The following SGCZ variants were observed in gnomAD, a reference collection of about 807,000 sequenced individuals.
SGCZ encodes sarcoglycan zeta.
A neutral mutation model predicts 41.3 loss-of-function variants in SGCZ; 40 were observed. The observed-to-expected ratio is 0.97, with a 90% CI of 0.75 to 1.26. The LOEUF (loss-of-function observed/expected upper bound fraction) is 1.26, where lower values mean the gene tolerates loss of function less well. SGCZ is among the 50% of genes most tolerant of loss of function. SGCZ has a pLI of 0.00. For missense variants in SGCZ, 552 were observed against 369.8 expected (o/e 1.49, Z -4.04); for synonymous variants, 206 against 137.5 (o/e 1.50, Z -3.49).
At chr8:14,501,273 G>C (rs939604843) in intron 2 of SGCZ, among the ~76,000 whole-genome samples, 7 of 151,544 alleles carry the variant, frequency 4.6e-5, no homozygotes. Flanking sequence ...AATAATCAAC[G>C]GTAATCATCT....
At chr8:14,496,420 A>G (rs185624274) in intron 2 of SGCZ, among the ~76,000 whole-genome samples, 1 of 152,242 alleles carries the variant, frequency 6.6e-6, no homozygotes, top group East Asian at 1.9e-4. Context: ...TACAAAATGA[A>G]TACAAGTAGT....
At chr8:14,904,060 G>A (rs185934441) in intron 1 of SGCZ, among the ~76,000 whole-genome samples, 2 of 152,158 alleles carry the variant, frequency 1.3e-5, no homozygotes, top group Non-Finnish European at 2.9e-5. Flanking sequence ...GTATTAACTT[G>A]TTGATAAAGC....
At chr8:14,227,390 A>T (rs567455463) in intron 4 of SGCZ, among the ~76,000 whole-genome samples, 1 of 152,144 alleles carries the variant, frequency 6.6e-6, no homozygotes, top group African/African-American at 2.4e-5. Flanking sequence ...TGGGTTTGTG[A>T]GCATGTTGAA....
chr8:14,520,153 A>G (rs1802746439), intron 2 of SGCZ, among the ~76,000 whole-genome samples: 1 of 152,160 alleles, frequency 6.6e-6, no homozygotes, highest in Admixed American at 6.6e-5. Flanking sequence ...ACAATACATT[A>G]GCAAGTTGCA....
chr8:14,987,089 C>G (rs1801846965), intron 1 of SGCZ, among the ~76,000 whole-genome samples: 2 of 151,818 alleles, frequency 1.3e-5, no homozygotes, highest in East Asian at 3.9e-4. Flanking sequence ...TGCATAAAGA[C>G]AGTATAGCAA....
intron 1 of SGCZ, among the ~76,000 whole-genome samples, chr8:14,913,760 T>C (rs558624608): frequency 1.3e-5 from 2 of 151,764 alleles, no homozygotes; most frequent in African/African-American, 2.4e-5. Context: ...TTTTGGAAAA[T>C]TACCAGTCAC....
chr8:14,174,827 G>A (rs932310368), intron 4 of SGCZ, among the ~76,000 whole-genome samples: 4 of 152,074 alleles, frequency 2.6e-5, no homozygotes, highest in Non-Finnish European at 4.4e-5. Flanking sequence ...AAAGGTGTCA[G>A]CATAAATGCT....
chr8:14,262,224 A>C (rs1179111155), intron 3 of SGCZ, among the ~76,000 whole-genome samples: 2 of 152,192 alleles, frequency 1.3e-5, no homozygotes, highest in African/African-American at 4.8e-5. Context: ...TAACAGGCTA[A>C]AAAGCAAGGA....
chr8:15,217,664 A>T (rs1801456527), intron 1 of SGCZ, among the ~76,000 whole-genome samples: 1 of 152,314 alleles, frequency 6.6e-6, no homozygotes, highest in African/African-American at 2.4e-5. Context: ...GCATGCACTG[A>T]GTTTTCTACT....
chr8:14,323,801 G>C (rs1563257205), intron 3 of SGCZ, among the ~76,000 whole-genome samples: 1 of 151,974 alleles, frequency 6.6e-6, no homozygotes, highest in Non-Finnish European at 1.5e-5. Context: ...CATATCAAAT[G>C]CCCCCTTGGG....
At chr8:14,808,776 C>A (rs544230350) in intron 1 of SGCZ, among the ~76,000 whole-genome samples, 2 of 151,988 alleles carry the variant, frequency 1.3e-5, no homozygotes, top group African/African-American at 4.8e-5. Flanking sequence ...AAGACACATG[C>A]ACACGTATGT....
chr8:14,510,789 TG>T (rs1563376579), intron 2 of SGCZ, among the ~76,000 whole-genome samples: 1 of 152,140 alleles, frequency 6.6e-6, no homozygotes, highest in Non-Finnish European at 1.5e-5. Flanking sequence ...TTTGCTCCTT[TG>T]AGTTATAAGA....
At chr8:14,824,396 T>C (rs1023097619) in intron 1 of SGCZ, among the ~76,000 whole-genome samples, 4 of 152,140 alleles carry the variant, frequency 2.6e-5, no homozygotes, top group Non-Finnish European at 4.4e-5. Context: ...ACTTTAATAG[T>C]AATAAATTTT....
intron 1 of SGCZ, among the ~76,000 whole-genome samples, chr8:14,643,535 T>C (rs1807095468): frequency 6.7e-6 from 1 of 150,218 alleles, no homozygotes; most frequent in Non-Finnish European, 1.5e-5. Context: ...GATAAGTGAA[T>C]ATTTTTCAAA....
intron 1 of SGCZ, among the ~76,000 whole-genome samples, chr8:14,994,429 A>C (rs1802139831): frequency 6.6e-6 from 1 of 152,072 alleles, no homozygotes; most frequent in African/African-American, 2.4e-5. Context: ...ACTAAAATAC[A>C]AACAATTAGC....
chr8:14,509,310 G>C (rs369772618), intron 2 of SGCZ, among the ~76,000 whole-genome samples: 4 of 152,036 alleles, frequency 2.6e-5, no homozygotes, highest in Non-Finnish European at 4.4e-5. Context: ...TTCAGCTAAC[G>C]CAAATAAAAA....
At chr8:14,099,249 T>A (rs571027718) in intron 7 of SGCZ, among the ~76,000 whole-genome samples, 79 of 152,294 alleles carry the variant, frequency 5.2e-4, no homozygotes, top group African/African-American at 1.9e-3. Flanking sequence ...CTTTCCGACT[T>A]CTAAAATTGA....
intron 2 of SGCZ, among the ~76,000 whole-genome samples, chr8:14,461,085 G>T (rs1335709297): frequency 2.6e-5 from 4 of 152,092 alleles, no homozygotes; most frequent in African/African-American, 4.8e-5. Flanking sequence ...AATTCAGGGT[G>T]CCTTGGTGAT....
intron 4 of SGCZ, among the ~76,000 whole-genome samples, chr8:14,220,647 C>G (rs1420005911): frequency 6.6e-6 from 1 of 151,944 alleles, no homozygotes; most frequent in African/African-American, 2.4e-5. Context: ...ATCAGTTGGG[C>G]GTAGTGGTGC....
Sources: gnomAD v4.1 joint callset for allele counts (sites outside exome capture counted in the v4.1 genomes callset) on GRCh38, gnomAD v4.1.1 for gene constraint, MANE v1.5 for transcripts, NCBI Gene and HGNC (gene_info 2026-07-23, HGNC 2026-07-21) for gene names.